Variants in PRDM2 observed in about 807,000 individuals in gnomAD.
PRDM2 encodes PR domain zinc finger protein 2.
Under a neutral mutation model 130.0 loss-of-function variants are expected in PRDM2, and 30 were observed. The ratio of observed to expected loss-of-function variants is 0.23; its 90% CI spans 0.17 to 0.31. PRDM2 has a LOEUF of 0.31. PRDM2 is among the 10% of genes least tolerant of loss of function. The probability of loss-of-function intolerance (pLI) is 1.00; values close to 1 mark genes in which losing one functional copy is unlikely to be tolerated. For synonymous variants in PRDM2, 871 were observed against 782.4 expected, an observed-to-expected ratio of 1.11 and a Z score of -1.89; for missense variants, 2,011 against 2,108.4, an observed-to-expected ratio of 0.95 and a Z score of 0.90.
At chr1:13,753,460 C>G (rs1167476590) in intron 6 of PRDM2, among the ~76,000 whole-genome samples, 1 of 152,114 alleles carries the variant, frequency 6.6e-6, no homozygotes, top group Non-Finnish European at 1.5e-5. Context: ...TTATCTGTCT[C>G]TACGATCAGA....
intron 8 of PRDM2, among the ~76,000 whole-genome samples, chr1:13,791,154 A>G (rs959049447): frequency 6.6e-6 from 1 of 152,078 alleles, no homozygotes; most frequent in African/African-American, 2.4e-5. Context: ...CTAAATATAG[A>G]AAACAGGACG....
In PRDM2 at chr1:13,823,199, G is replaced by T. The variant is rs201801235; in HGVS notation, c.*64G>T. 6 of 1,613,206 alleles carry T rather than the reference G, an allele frequency of 3.7e-6. No individual in the cohort carries two copies. In the Admixed American group the frequency reaches 6.7e-5, roughly 18 times the overall value. On this transcript the variant is annotated 3_prime_UTR_variant, in exon 10 of 10. Coordinates refer to ENST00000311066, the MANE Select transcript of PRDM2 (RefSeq NM_001393986.1). ...GGAATCAGTGAAGCCAAAGGGACTG[G>T]CAGTCTGCCCTGCAGGGAGTACCGA...
rs1644571210 is a variant in PRDM2 at position 13,780,008 on chromosome 1, G to C, written c.2213G>C (p.Ser738Thr). The part of the protein sequence containing the change: ...VTSSRFKRRT[S>T]SPPSSPQHSP... ...TCAAGTAGGTTTAAGAGGCGGACCAGCTCTCCTCCCAGTTCTCCACAGCAC... is the reference window on the plus strand; with the variant it reads ...TCAAGTAGGTTTAAGAGGCGGACCACCTCTCCTCCCAGTTCTCCACAGCAC... The change falls in exon 8 of 10, where the codon AGC becomes ACC. Residue 738 changes from serine (S) to threonine (T), a missense_variant. Ser to Thr is a moderately conservative substitution (Grantham distance 58). Around this residue, in one of 5 missense-constraint regions of PRDM2, gnomAD observed 1,288 missense variants for 1,237.7 expected, o/e 1.04. Coordinates refer to ENST00000311066, the MANE Select transcript of PRDM2 (RefSeq NM_001393986.1). 5.6e-6 allele frequency: 9 copies of C among 1,614,192 alleles called. No homozygotes were observed. The highest frequency in any genetic ancestry group is 7.6e-6 in the Non-Finnish European group (9 of 1,180,038).
At position 13,787,015 on chromosome 1, in the gene PRDM2, G is replaced by C. The variant is rs905427383; in HGVS notation, c.5036+4184G>C. 3 of 985,796 alleles carry C rather than the reference G, an allele frequency of 3.0e-6. No individual in the cohort carries two copies. The African/African-American group carries it at 5.2e-5, about 17-fold the overall frequency. 61.1% of individuals were successfully genotyped at this position (985,796 alleles called of 1,614,324 possible). A position where few individuals can be genotyped will look rare whatever the true frequency, so the allele number is the denominator to read the frequency against. On this transcript the variant is annotated intron_variant, in intron 8 of 9. Coordinates refer to ENST00000311066, the MANE Select transcript of PRDM2 (RefSeq NM_001393986.1). ...TTCTTTTAAATTAATTATAGACAGA[G>C]AGAGGCATTTAGCTGATCTCTTACC... is the stretch of plus-strand genomic sequence containing the variant.
chr1:13,779,282 C>T lies in PRDM2; in HGVS notation c.1487C>T (p.Thr496Ile). ...KYCKKVFGTH[T>I]NMRRHQRRVH... The stretch of plus-strand genomic sequence containing the variant: ...TGTAAAAAGGTTTTTGGAACTCATA[C>T]TAATATGAGACGGCATCAGCGTAGA... The change falls in exon 8 of 10, where the codon ACT becomes ATT. Residue 496 changes from threonine (T) to isoleucine (I), a missense_variant. By Grantham distance (89) the Thr-to-Ile change is moderately conservative (BLOSUM62 -1). Transcript: ENST00000311066. This position sits in a 1 kb window ranked among gnomAD's most constrained non-coding sequence, Gnocchi z 4.9. 2.5e-6 allele frequency: 4 copies of T among 1,613,914 alleles called. No homozygotes were observed. The highest frequency in any genetic ancestry group is 3.4e-6 in the Non-Finnish European group (4 of 1,179,838).
intron 8 of PRDM2, chr1:13,788,210 GTTCAC>G (rs928321914): frequency 1.5e-6 from 1 of 681,398 alleles, no homozygotes; most frequent in African/African-American, 2.0e-5. Context: ...CCTGGCGTCT[GTTCAC>G]TTGTTTCTAT....
rs566058192 is a variant in PRDM2 at position 13,719,041 on chromosome 1, G to C, written c.9+3427G>C. Reference sequence around the variant, plus strand: ...GGGCTCTGCCAGTAACATACTCCAAGAGGGAGACAGTTAAAAAGCAGGAAG... The same window carrying C: ...GGGCTCTGCCAGTAACATACTCCAACAGGGAGACAGTTAAAAAGCAGGAAG... On this transcript the variant is annotated intron_variant, in intron 2 of 9. Transcript: ENST00000311066. Among the ~76,000 whole-genome samples the C allele has an allele frequency of 1.1e-3, 160 of 152,298 alleles. 1 individual carries two copies. The highest frequency in any genetic ancestry group is 1.8e-3 in the Non-Finnish European group (120 of 68,028).
In PRDM2 at chr1:13,780,445, A is replaced by G; in HGVS notation, c.2650A>G (p.Thr884Ala). The change falls in exon 8 of 10, where the codon ACC becomes GCC. Residue 884 changes from threonine (T) to alanine (A), a missense_variant. Physicochemically the swap from Thr to Ala is moderately conservative, Grantham distance 58 (BLOSUM62 0). Coordinates refer to ENST00000311066, the MANE Select transcript of PRDM2 (RefSeq NM_001393986.1). ...TAGTGCTGTAAAGAAAAGGAAACCAACCACCTGCATGCTGCAGAAGGTTCT... is the reference window on the plus strand; with the variant it reads ...TAGTGCTGTAAAGAAAAGGAAACCAGCCACCTGCATGCTGCAGAAGGTTCT... The part of the protein sequence containing the change: ...TCSAVKKRKP[T>A]TCMLQKVLLN... 6.2e-7 allele frequency: 1 copy of G among 1,614,092 alleles called. No homozygotes were observed. The highest frequency in any genetic ancestry group is 1.7e-5 in the Admixed American group (1 of 60,008).
intron 8 of PRDM2, among the ~76,000 whole-genome samples, chr1:13,813,456 C>T (rs1166350031): frequency 6.6e-6 from 1 of 152,202 alleles, no homozygotes; most frequent in Admixed American, 6.5e-5. Context: ...AGGAAACACC[C>T]AATTAGTGAC....
chr1:13,804,912 G>C (rs138952336), intron 8 of PRDM2, among the ~76,000 whole-genome samples: 1 of 152,244 alleles, frequency 6.6e-6, no homozygotes, highest in African/African-American at 2.4e-5. Context: ...CCTGGCTTTG[G>C]GATATTGGAA....
chr1:13,731,706 A>C (rs2495091), intron 3 of PRDM2, among the ~76,000 whole-genome samples: 3,748 of 152,316 alleles, frequency 0.025, 61 homozygotes, highest in Middle Eastern at 0.051. Context: ...CCTAATCTTT[A>C]GACAGAAGCT....
Position 13,780,178 on chromosome 1 carries a change from G to C in PRDM2, c.2383G>C (p.Val795Leu). The C allele has an allele frequency of 6.2e-7, 1 of 1,600,262 alleles. No individual in the cohort carries two copies. Among genetic ancestry groups the C allele is most frequent in the Non-Finnish European group, 8.5e-7 (1 of 1,172,222 alleles). ...GTCTGGGAGAGATGAGAGAGAAACT[G>C]TGAGCCCTCCATGCTTTGATGAATA... ...SLSGRDERET[V>L]SPPCFDEYKM... is the part of the protein sequence containing the mutation. The change falls in exon 8 of 10, where the codon GTG (valine) becomes CTG (leucine). Residue 795 changes from valine (V) to leucine (L), a missense_variant. Around this residue, in one of 5 missense-constraint regions of PRDM2, gnomAD observed 1,288 missense variants for 1,237.7 expected, o/e 1.04. Transcript: ENST00000311066.
chr1:13,743,969 C>T (rs1333304382), intron 5 of PRDM2, among the ~76,000 whole-genome samples: 1 of 152,096 alleles, frequency 6.6e-6, no homozygotes, highest in African/African-American at 2.4e-5. Context: ...CATTGTTTCT[C>T]AGAAGTATTT....
rs1643260725 is a variant in PRDM2 at position 13,736,062 on chromosome 1, T to C, written c.231+3180T>C. On this transcript the variant is annotated intron_variant, in intron 4 of 9. Transcript: ENST00000311066. The stretch of plus-strand genomic sequence containing the variant: ...AATGCTTTTTTTTTCTTTCAGTATC[T>C]TGTGGACATATCTATGTCTACTACT... Among the ~76,000 whole-genome samples, 5 of 152,126 alleles carry C rather than the reference T, an allele frequency of 3.3e-5. No individual in the cohort carries two copies. In the South Asian group the frequency reaches 1.0e-3, roughly 31 times the overall value.
At chr1:13,721,732 T>C (rs1642735072) in intron 2 of PRDM2, among the ~76,000 whole-genome samples, 1 of 152,230 alleles carries the variant, frequency 6.6e-6, no homozygotes, top group Non-Finnish European at 1.5e-5. Context: ...AAGAAGCCTT[T>C]CCTCTTATGT....
intron 6 of PRDM2, 116 bp downstream of exon 6, chr1:13,749,603 G>A: frequency 1.7e-6 from 1 of 593,244 alleles, no homozygotes; most frequent in African/African-American, 2.0e-5. Context: ...CTCGGGCGGC[G>A]GCGCCCGCGG....
rs531809796 is a variant in PRDM2, at chr1:13,715,086, A to G, written c.-65-455A>G. Among the ~76,000 whole-genome samples the G allele has an allele frequency of 5.9e-5, 9 of 152,318 alleles. No individual in the cohort carries two copies. The South Asian group carries it at 1.7e-3, about 28-fold the overall frequency. The stretch of plus-strand genomic sequence containing the variant: ...CCTCAGAGAGAACTCCTGGTGGCCA[A>G]TGTTAGTAAATTCAACTTTCTAATT... On this transcript the variant is annotated intron_variant, in intron 1 of 9. Coordinates refer to ENST00000311066, the MANE Select transcript of PRDM2 (RefSeq NM_001393986.1).
At chr1:13,774,698 C>T (rs1389477486) in intron 7 of PRDM2, among the ~76,000 whole-genome samples, 2 of 152,164 alleles carry the variant, frequency 1.3e-5, no homozygotes, top group African/African-American at 4.8e-5. Flanking sequence ...ACTTGCTGGC[C>T]TGGCGCGGTG....
chr1:13,733,952 T>C (rs565474502), intron 4 of PRDM2, among the ~76,000 whole-genome samples: 54 of 152,364 alleles, frequency 3.5e-4, no homozygotes, highest in Non-Finnish European at 6.9e-4. Context: ...GTGGACACTT[T>C]TCATCAAGAA....
Sources: gnomAD v4.1 joint callset for allele counts (sites outside exome capture counted in the v4.1 genomes callset) on GRCh38, gnomAD v4.1.1 for gene constraint, gnomAD v4.1.1 regional missense constraint, Gnocchi (gnomAD v3.1) non-coding constraint, MANE v1.5 for transcripts, NCBI Gene and HGNC (gene_info 2026-07-23, HGNC 2026-07-21) for gene names.